Variants in MARCHF1 observed in about 807,000 individuals in gnomAD.
MARCHF1 encodes the protein E3 ubiquitin-protein ligase MARCHF1.
In MARCHF1, 40 loss-of-function variants were observed where a neutral mutation model predicts 54.2. That is an observed-to-expected ratio of 0.74 (90% CI 0.57 to 0.96). The LOEUF (loss-of-function observed/expected upper bound fraction) is 0.96, where lower values mean the gene tolerates loss of function less well. Ranked by LOEUF, MARCHF1 falls within the 40% of genes least tolerant of loss-of-function variation. The pLI is 0.00. For missense variants in MARCHF1, 586 were observed against 656.5 expected, an observed-to-expected ratio of 0.89 and a Z score of 1.17; for synonymous variants, 236 against 236.3, an observed-to-expected ratio of 1.00 and a Z score of 0.01.
At chr4:164,345,883 G>C (rs895329940) in intron 1 of MARCHF1, among the ~76,000 whole-genome samples, 2 of 151,954 alleles carry the variant, frequency 1.3e-5, no homozygotes, top group Non-Finnish European at 2.9e-5. Context: ...AATATTGGAA[G>C]CTTTCTGAAG....
chr4:163,832,692 A>C, intron 4 of MARCHF1, among the ~76,000 whole-genome samples: 1 of 149,122 alleles, frequency 6.7e-6, no homozygotes, highest in African/African-American at 2.5e-5. Flanking sequence ...GCACCCATTA[A>C]CTCGTCATTT....
At chr4:163,615,953 A>G (rs4508843) in intron 5 of MARCHF1, among the ~76,000 whole-genome samples, 62,955 of 151,976 alleles carry the variant, frequency 0.41, 13,732 homozygotes, top group East Asian at 0.57. Context: ...TTCAACAAAG[A>G]TGCCAAGAAC....
chr4:163,582,587 G>A (rs994709222), intron 8 of MARCHF1, among the ~76,000 whole-genome samples: 12 of 152,304 alleles, frequency 7.9e-5, no homozygotes, highest in Admixed American at 7.8e-4. Context: ...TCTCCTGCCT[G>A]CATTGGCTAA....
intron 1 of MARCHF1, among the ~76,000 whole-genome samples, chr4:164,279,169 T>A (rs530957294): frequency 1.1e-4 from 17 of 150,826 alleles, no homozygotes; most frequent in African/African-American, 3.9e-4. Flanking sequence ...AAATTTCTAA[T>A]CTGACAAAAA....
chr4:163,631,683 G>A (rs960363819), intron 5 of MARCHF1, among the ~76,000 whole-genome samples: 5 of 152,208 alleles, frequency 3.3e-5, no homozygotes, highest in Admixed American at 6.5e-5. Flanking sequence ...ACAAGATAAA[G>A]TTTAATTAAG....
At chr4:163,888,776 G>A (rs1247345627) in intron 3 of MARCHF1, among the ~76,000 whole-genome samples, 2 of 151,960 alleles carry the variant, frequency 1.3e-5, no homozygotes, top group East Asian at 3.9e-4. Flanking sequence ...AAGGTTTTTT[G>A]GTTGGCAGCC....
intron 3 of MARCHF1, among the ~76,000 whole-genome samples, chr4:163,912,919 C>A (rs1310642104): frequency 2.0e-5 from 3 of 152,142 alleles, no homozygotes; most frequent in East Asian, 1.9e-4. Flanking sequence ...AAGATAAATT[C>A]TTGTAAAGCA....
At chr4:163,634,088 T>C (rs1742215624) in intron 5 of MARCHF1, among the ~76,000 whole-genome samples, 1 of 152,146 alleles carries the variant, frequency 6.6e-6, no homozygotes, top group Admixed American at 6.5e-5. Context: ...AAAGAGCTCC[T>C]GAAGGAAGCA....
intron 3 of MARCHF1, among the ~76,000 whole-genome samples, chr4:163,933,671 G>C (rs1260406864): frequency 6.6e-6 from 1 of 152,160 alleles, no homozygotes; most frequent in Non-Finnish European, 1.5e-5. Flanking sequence ...ATACTCGTCA[G>C]GGTTTCCTTT....
At chr4:164,100,852 G>A (rs560634552) in intron 2 of MARCHF1, among the ~76,000 whole-genome samples, 58 of 152,164 alleles carry the variant, frequency 3.8e-4, no homozygotes, top group African/African-American at 1.1e-3. Flanking sequence ...CTGAGGTACC[G>A]GGTTCATCTC....
At chr4:164,124,569 T>C (rs1215576024) in intron 1 of MARCHF1, among the ~76,000 whole-genome samples, 1 of 152,164 alleles carries the variant, frequency 6.6e-6, no homozygotes, top group Non-Finnish European at 1.5e-5. Flanking sequence ...ATGTGTTACA[T>C]ATACACAACG....
At chr4:163,803,853 C>G (rs571687503) in intron 4 of MARCHF1, among the ~76,000 whole-genome samples, 3 of 152,168 alleles carry the variant, frequency 2.0e-5, no homozygotes, top group African/African-American at 4.8e-5. Context: ...ATAAGACCAT[C>G]TTAGAAGAAT....
At chr4:163,751,072 T>C (rs1746505507) in intron 4 of MARCHF1, among the ~76,000 whole-genome samples, 1 of 152,106 alleles carries the variant, frequency 6.6e-6, no homozygotes, top group East Asian at 1.9e-4. Context: ...CTTAATGGTG[T>C]AATACTGAAA....
rs1000206707 is a variant in MARCHF1 at position 163,738,004 on chromosome 4, C to T, written c.112-37141G>A. Reference sequence around the variant, plus strand: ...ATTCGCAGCTTTTTTCAATTGCTTCCGGAAGCAGTTTAGGCTTCCTGGTGG... The same window carrying T: ...ATTCGCAGCTTTTTTCAATTGCTTCTGGAAGCAGTTTAGGCTTCCTGGTGG... On this transcript the variant is annotated intron_variant, in intron 4 of 9. Coordinates refer to ENST00000514618, the MANE Select transcript of MARCHF1 (RefSeq NM_001394959.1). 8.5e-5 allele frequency among the ~76,000 whole-genome samples: 13 copies of T among 152,154 alleles called. No individual in the cohort carries two copies. In the East Asian group the frequency reaches 9.6e-4, roughly 11 times the overall value.
chr4:164,127,409 A>G (rs1269262139), intron 1 of MARCHF1, among the ~76,000 whole-genome samples: 1 of 152,212 alleles, frequency 6.6e-6, no homozygotes, highest in Non-Finnish European at 1.5e-5. Flanking sequence ...AATGGTGCTC[A>G]CTATGTTCAC....
intron 8 of MARCHF1, chr4:163,584,534 G>C (rs1366901215): frequency 6.6e-6 from 1 of 151,992 alleles, no homozygotes; most frequent in African/African-American, 2.4e-5. Context: ...AGAAAAACAG[G>C]GTTACCCTGC....
At chr4:163,868,991 A>G (rs999235266) in intron 3 of MARCHF1, among the ~76,000 whole-genome samples, 1 of 148,406 alleles carries the variant, frequency 6.7e-6, no homozygotes, top group Non-Finnish European at 1.5e-5. Context: ...TATTTAATAG[A>G]CCATTTACAA....
intron 8 of MARCHF1, among the ~76,000 whole-genome samples, chr4:163,567,887 C>G (rs910158245): frequency 6.6e-6 from 1 of 152,016 alleles, no homozygotes; most frequent in Non-Finnish European, 1.5e-5. Context: ...ATTTTAACAA[C>G]CATCTAGAAT....
At chr4:163,746,934 G>T (rs13139036) in intron 4 of MARCHF1, among the ~76,000 whole-genome samples, 1 of 152,108 alleles carries the variant, frequency 6.6e-6, no homozygotes, top group South Asian at 2.1e-4. Context: ...ATCCGGAGAC[G>T]TAAGTTGACC....
Sources: allele counts gnomAD v4.1 joint callset (sites outside exome capture counted in the v4.1 genomes callset), GRCh38; gene constraint gnomAD v4.1.1; transcripts MANE v1.5; gene names NCBI Gene and HGNC (gene_info 2026-07-23, HGNC 2026-07-21).